The following MACROD2 variants were observed in gnomAD, a reference collection of about 807,000 sequenced individuals.
MACROD2 encodes ADP-ribose glycohydrolase MACROD2.
Under a neutral mutation model 70.4 loss-of-function variants are expected in MACROD2, and 36 were observed. The observed-to-expected ratio is 0.51, with a 90% CI of 0.39 to 0.68. MACROD2 has a LOEUF of 0.68. Ranked by LOEUF, MACROD2 falls within the 30% of genes least tolerant of loss-of-function variation. MACROD2 has a pLI of 0.00. For missense variants in MACROD2, 496 were observed against 538.4 expected (o/e 0.92, Z 0.78); for synonymous variants, 172 against 178.8 (o/e 0.96, Z 0.30).
intron 7 of MACROD2, among the ~76,000 whole-genome samples, chr20:15,496,373 A>G (rs976167058): frequency 6.6e-6 from 1 of 152,206 alleles, no homozygotes; most frequent in African/African-American, 2.4e-5. Flanking sequence ...ACTCTTGTGG[A>G]TGTTGAAATC....
intron 4 of MACROD2, among the ~76,000 whole-genome samples, chr20:14,634,809 G>A (rs1014062931): frequency 2.0e-5 from 3 of 152,160 alleles, no homozygotes; most frequent in African/African-American, 7.2e-5. Context: ...GAAATTATGT[G>A]TTTGCCAGAG....
chr20:14,565,411 C>T lies in MACROD2; in HGVS notation c.301+71903C>T, dbSNP rs533680314. Among the ~76,000 whole-genome samples, 7 of 151,854 alleles carry T rather than the reference C, an allele frequency of 4.6e-5. No individual in the cohort carries two copies. The East Asian group carries it at 1.4e-3, about 30-fold the overall frequency. On this transcript the variant is annotated intron_variant, in intron 4 of 17. Coordinates refer to ENST00000684519, the MANE Select transcript of MACROD2 (RefSeq NM_001351661.2). ...TCACCACAAGGATTCCTCTTGTTTT[C>T]CTTTTGTAGCCACATTCATTTCCCT... is the stretch of plus-strand genomic sequence containing the variant.
At chr20:15,253,782 C>T (rs915513460) in intron 6 of MACROD2, among the ~76,000 whole-genome samples, 1 of 152,186 alleles carries the variant, frequency 6.6e-6, no homozygotes, top group African/African-American at 2.4e-5. Flanking sequence ...GACTGAGCTA[C>T]ATCCACACAC....
chr20:15,531,488 A>G (rs1314462240), intron 8 of MACROD2, among the ~76,000 whole-genome samples: 1 of 152,142 alleles, frequency 6.6e-6, no homozygotes, highest in African/African-American at 2.4e-5. Flanking sequence ...TATTGTAGGA[A>G]AATAAAAACT....
At chr20:15,331,649 T>C (rs2077993889) in intron 6 of MACROD2, among the ~76,000 whole-genome samples, 1 of 151,766 alleles carries the variant, frequency 6.6e-6, no homozygotes, top group African/African-American at 2.4e-5. Flanking sequence ...TAGTATCAAA[T>C]GGGACCATCT....
At chr20:15,354,354 G>T (rs551789858) in intron 6 of MACROD2, among the ~76,000 whole-genome samples, 7 of 152,174 alleles carry the variant, frequency 4.6e-5, no homozygotes, top group East Asian at 1.9e-4. Flanking sequence ...CTGTTGTGGG[G>T]TGGGGGTAGC....
intron 6 of MACROD2, among the ~76,000 whole-genome samples, chr20:15,358,201 A>G (rs1286163021): frequency 6.6e-6 from 1 of 152,220 alleles, no homozygotes; most frequent in East Asian, 1.9e-4. Context: ...TTCTGTGAGA[A>G]GTTACTGAGC....
chr20:14,412,554 G>A (rs890180581), intron 3 of MACROD2, among the ~76,000 whole-genome samples: 1 of 152,148 alleles, frequency 6.6e-6, no homozygotes, highest in Non-Finnish European at 1.5e-5. Flanking sequence ...ATGGTGAGAA[G>A]TGTAAACATA....
chr20:14,394,920 T>C lies in MACROD2; in HGVS notation c.272-98559T>C, dbSNP rs185098035. Among the ~76,000 whole-genome samples the C allele has an allele frequency of 7.9e-5, 12 of 152,318 alleles. No individual in the cohort carries two copies. In the East Asian group the frequency reaches 2.3e-3, roughly 29 times the overall value. On this transcript the variant is annotated intron_variant, in intron 3 of 17. Transcript: ENST00000684519. ...GGGTTGACCTTTGAATGTTAAACCA[T>C]CATTATATTCCTAGAATAAACTCTA... is the stretch of plus-strand genomic sequence containing the variant.
At chr20:14,369,507 A>G (rs557259536) in intron 3 of MACROD2, among the ~76,000 whole-genome samples, 9 of 152,128 alleles carry the variant, frequency 5.9e-5, no homozygotes, top group Non-Finnish European at 1.2e-4. Flanking sequence ...CTTGGTTGCT[A>G]TCAACCTGCC....
At chr20:14,557,251 A>G (rs1979095037) in intron 4 of MACROD2, among the ~76,000 whole-genome samples, 2 of 152,018 alleles carry the variant, frequency 1.3e-5, no homozygotes, top group Non-Finnish European at 2.9e-5. Flanking sequence ...TCTAAGTGGA[A>G]GAACTAAAGC....
chr20:15,274,923 A>C (rs1340293534), intron 6 of MACROD2, among the ~76,000 whole-genome samples: 2 of 152,118 alleles, frequency 1.3e-5, no homozygotes, highest in African/African-American at 4.8e-5. Context: ...TGAGGTGTGG[A>C]GCTATAAGTG....
At chr20:14,025,586 T>C (rs2053151657) in intron 2 of MACROD2, among the ~76,000 whole-genome samples, 1 of 152,210 alleles carries the variant, frequency 6.6e-6, no homozygotes. Flanking sequence ...TATTTCTGCC[T>C]TAATTTTGTT....
intron 3 of MACROD2, among the ~76,000 whole-genome samples, chr20:14,248,574 C>T (rs561190985): frequency 6.6e-6 from 1 of 151,958 alleles, no homozygotes; most frequent in Admixed American, 6.6e-5. Context: ...CAGAGCGAGA[C>T]TCTGTCTCAA....
intron 2 of MACROD2, among the ~76,000 whole-genome samples, chr20:14,056,782 G>A (rs2148652756): frequency 6.6e-6 from 1 of 151,814 alleles, no homozygotes; most frequent in African/African-American, 2.4e-5. Flanking sequence ...TGACAAAGAA[G>A]GTGAGTCCTC....
At chr20:14,766,613 A>G (rs1216057734) in intron 5 of MACROD2, among the ~76,000 whole-genome samples, 1 of 152,180 alleles carries the variant, frequency 6.6e-6, no homozygotes, top group Non-Finnish European at 1.5e-5. Context: ...GCATATCTCC[A>G]GTTAATGGCT....
intron 5 of MACROD2, among the ~76,000 whole-genome samples, chr20:15,070,942 T>TTTTGC (rs200730448): frequency 0.012 from 1,812 of 151,652 alleles, 23 homozygotes; most frequent in Non-Finnish European, 0.017. Flanking sequence ...AAGTCTTAAA[T>TTTTGC]TATTACGAAT....
At chr20:15,284,264 T>C (rs1483087906) in intron 6 of MACROD2, among the ~76,000 whole-genome samples, 1 of 152,186 alleles carries the variant, frequency 6.6e-6, no homozygotes, top group African/African-American at 2.4e-5. Context: ...ATAAATCAGA[T>C]TGTTTTCCTG....
At chr20:15,288,867 G>GTCTA (rs3070384) in intron 6 of MACROD2, among the ~76,000 whole-genome samples, 73,633 of 146,704 alleles carry the variant, frequency 0.5, 18,434 homozygotes, top group Non-Finnish European at 0.55. Context: ...CTGTCTGTCT[G>GTCTA]TCTATCTATC....
Sources: gnomAD v4.1 joint callset for allele counts (sites outside exome capture counted in the v4.1 genomes callset) on GRCh38, gnomAD v4.1.1 for gene constraint, MANE v1.5 for transcripts, NCBI Gene and HGNC (gene_info 2026-07-23, HGNC 2026-07-21) for gene names.